STK39: variants seen among roughly 807,000 people sequenced by gnomAD.
STK39 encodes serine/threonine kinase 39, also known as STE20/SPS1-related proline-alanine-rich protein kinase.
STK39 carries 20 observed loss-of-function variants against 77.8 expected under a neutral mutation model. The observed-to-expected ratio is 0.26, with a 90% CI of 0.18 to 0.37. STK39 has a LOEUF of 0.37. STK39 is among the 10% of genes least tolerant of loss of function. The probability of loss-of-function intolerance (pLI) is 1.00; values close to 1 mark genes in which losing one functional copy is unlikely to be tolerated. For synonymous variants in STK39, 246 were observed against 234.1 expected, an observed-to-expected ratio of 1.05 and a Z score of -0.47; for missense variants, 479 against 656.5, an observed-to-expected ratio of 0.73 and a Z score of 2.95.
At chr2:167,966,026 A>G (rs1692149914) in intron 16 of STK39, among the ~76,000 whole-genome samples, 1 of 152,144 alleles carries the variant, frequency 6.6e-6, no homozygotes, top group Non-Finnish European at 1.5e-5. Flanking sequence ...GCATCATTTT[A>G]TCTTCATTTG....
intron 2 of STK39, among the ~76,000 whole-genome samples, chr2:168,177,203 C>T (rs1688975871): frequency 6.6e-6 from 1 of 152,062 alleles, no homozygotes; most frequent in African/African-American, 2.4e-5. Flanking sequence ...ATGGAATGAG[C>T]ATTCCATAAT....
chr2:168,124,276 C>T (rs1687483757), intron 10 of STK39, among the ~76,000 whole-genome samples: 2 of 152,154 alleles, frequency 1.3e-5, no homozygotes, highest in South Asian at 4.1e-4. Context: ...AAAGAACTGC[C>T]TATTACATGT....
chr2:168,015,900 A>C (rs550869777), intron 15 of STK39, among the ~76,000 whole-genome samples: 1 of 152,308 alleles, frequency 6.6e-6, no homozygotes, highest in African/African-American at 2.4e-5. Flanking sequence ...CCAGAAAGAA[A>C]GATCAATTAG....
intron 14 of STK39, among the ~76,000 whole-genome samples, chr2:168,033,136 G>A (rs950997594): frequency 4.6e-5 from 7 of 151,900 alleles, no homozygotes; most frequent in South Asian, 2.1e-4. Context: ...TACAATAGTC[G>A]TCCTTACCTG....
At chr2:168,060,468 C>A (rs77580958) in intron 14 of STK39, among the ~76,000 whole-genome samples, 1,634 of 152,264 alleles carry the variant, frequency 0.011, 36 homozygotes, top group African/African-American at 0.037. Context: ...AAGAAGAGAG[C>A]CCTCACCAGA....
At position 168,167,286 on chromosome 2, in the gene STK39, A is replaced by T. The variant is rs773191237; in HGVS notation, c.430+13T>A. On this transcript the variant is annotated intron_variant, in intron 3 of 17. Coordinates refer to ENST00000355999, the MANE Select transcript of STK39 (RefSeq NM_013233.3). ...AAACAAGCAAATAAATAACAACAAC[A>T]AAATCCACTTACCTCCACTTAGTAA... is the stretch of plus-strand genomic sequence containing the variant. 6 of 1,609,464 alleles carry T rather than the reference A, an allele frequency of 3.7e-6. No individual in the cohort carries two copies. In the East Asian group the frequency reaches 1.3e-4, roughly 36 times the overall value.
intron 10 of STK39, among the ~76,000 whole-genome samples, chr2:168,129,114 G>A (rs976415895): frequency 2.6e-5 from 4 of 152,194 alleles, no homozygotes; most frequent in Admixed American, 2.6e-4. Flanking sequence ...GGTCTTTCAT[G>A]AGGAAAGAAT....
intron 1 of STK39, among the ~76,000 whole-genome samples, chr2:168,196,323 C>A (rs1340867627): frequency 6.6e-6 from 1 of 152,150 alleles, no homozygotes; most frequent in African/African-American, 2.4e-5. Flanking sequence ...AAAGTATCTG[C>A]CTTCCTAGAG....
At chr2:168,183,432 C>T (rs1346885603) in intron 1 of STK39, among the ~76,000 whole-genome samples, 1 of 152,150 alleles carries the variant, frequency 6.6e-6, no homozygotes, top group Non-Finnish European at 1.5e-5. Context: ...AAAACCGGGA[C>T]TCAGAAAACT....
chr2:168,174,232 A>G (rs1021776808), intron 2 of STK39, among the ~76,000 whole-genome samples: 10 of 151,474 alleles, frequency 6.6e-5, no homozygotes, highest in African/African-American at 2.4e-4. Flanking sequence ...AGTTATAAAA[A>G]GTGTAAAGTG....
intron 1 of STK39, among the ~76,000 whole-genome samples, chr2:168,205,833 A>G (rs1463328329): frequency 6.6e-6 from 1 of 152,120 alleles, no homozygotes; most frequent in East Asian, 1.9e-4. Context: ...AAAATAATTT[A>G]AAAATAAAGA....
chr2:168,040,075 G>A (rs1162904465), intron 14 of STK39, among the ~76,000 whole-genome samples: 1 of 151,950 alleles, frequency 6.6e-6, no homozygotes, highest in Non-Finnish European at 1.5e-5. Flanking sequence ...ACATTACAAT[G>A]CCTGTCAACA....
chr2:168,072,486 C>T (rs932228292), intron 12 of STK39, among the ~76,000 whole-genome samples: 5 of 152,282 alleles, frequency 3.3e-5, no homozygotes, highest in African/African-American at 1.2e-4. Context: ...TTCTATCACT[C>T]CTATTCCATT....
chr2:168,034,306 A>T (rs1282876912), intron 14 of STK39, among the ~76,000 whole-genome samples: 1 of 152,204 alleles, frequency 6.6e-6, no homozygotes, highest in Non-Finnish European at 1.5e-5. Flanking sequence ...AGCCCATGAG[A>T]ATCTGAGAAG....
At chr2:168,048,513 G>GGCCCGGCCCGGCCCGGCCCA (rs1685308636) in intron 14 of STK39, among the ~76,000 whole-genome samples, 1 of 151,546 alleles carries the variant, frequency 6.6e-6, no homozygotes, top group Non-Finnish European at 1.5e-5. Context: ...CGCCCGGCCC[G>GGCCCGGCCCGGCCCGGCCCA]GCCCGGCCTA....
intron 16 of STK39, among the ~76,000 whole-genome samples, chr2:167,982,050 C>T (rs187125467): frequency 9.9e-5 from 15 of 152,240 alleles, no homozygotes; most frequent in Admixed American, 9.8e-4. Flanking sequence ...AGATACAGTT[C>T]GTGGAGTCAT....
At chr2:168,002,140 G>A (rs1484472665) in intron 16 of STK39, among the ~76,000 whole-genome samples, 2 of 152,244 alleles carry the variant, frequency 1.3e-5, no homozygotes, top group East Asian at 3.8e-4. Flanking sequence ...CCCAAGTGAA[G>A]TTAAGTACAG....
chr2:168,003,785 T>C (rs1449636127), intron 16 of STK39, among the ~76,000 whole-genome samples: 1 of 152,236 alleles, frequency 6.6e-6, no homozygotes, highest in Admixed American at 6.5e-5. Flanking sequence ...AGGAGTTTTC[T>C]TCCTTTATTC....
chr2:168,008,859 C>T (rs1162987488), intron 16 of STK39, among the ~76,000 whole-genome samples: 2 of 152,174 alleles, frequency 1.3e-5, no homozygotes, highest in Admixed American at 6.5e-5. Context: ...ACGCCCAATA[C>T]TGCCAATAGG....
Sources: allele counts gnomAD v4.1 joint callset (sites outside exome capture counted in the v4.1 genomes callset), GRCh38; gene constraint gnomAD v4.1.1; transcripts MANE v1.5; gene names NCBI Gene and HGNC (gene_info 2026-07-23, HGNC 2026-07-21).